ADAM18: variants seen among roughly 807,000 people sequenced by gnomAD.
ADAM18 encodes the protein disintegrin and metalloproteinase domain-containing protein 18.
ADAM18 carries 117 observed loss-of-function variants against 94.4 expected under a neutral mutation model. The ratio of observed to expected loss-of-function variants is 1.24; its 90% CI spans 1.07 to 1.45. The LOEUF is 1.45. Ranked by LOEUF, ADAM18 falls within the 40% of genes most tolerant of loss-of-function variation. The pLI is 0.00. For synonymous variants in ADAM18, 327 were observed against 291.6 expected, an observed-to-expected ratio of 1.12 and a Z score of -1.24; for missense variants, 936 against 880.0, an observed-to-expected ratio of 1.06 and a Z score of -0.81.
intron 16 of ADAM18, among the ~76,000 whole-genome samples, chr8:39,684,879 T>C (rs955167473): frequency 3.3e-5 from 5 of 152,168 alleles, no homozygotes; most frequent in Non-Finnish European, 7.4e-5. Flanking sequence ...ATCCGTAGAT[T>C]CTAGACATTG....
At chr8:39,589,903 T>G (rs1051511263) in intron 2 of ADAM18, among the ~76,000 whole-genome samples, 1 of 150,886 alleles carries the variant, frequency 6.6e-6, no homozygotes, top group Non-Finnish European at 1.5e-5. Context: ...TCACACCAGT[T>G]AGAATGGCAG....
chr8:39,604,974 G>T (rs1819025103), intron 2 of ADAM18, among the ~76,000 whole-genome samples: 1 of 152,076 alleles, frequency 6.6e-6, no homozygotes, highest in Non-Finnish European at 1.5e-5. Flanking sequence ...CAGACCTTTT[G>T]CTGCCTTTGT....
At chr8:39,654,114 C>T (rs1264910156) in intron 12 of ADAM18, among the ~76,000 whole-genome samples, 1 of 150,828 alleles carries the variant, frequency 6.6e-6, no homozygotes, top group Non-Finnish European at 1.5e-5. Context: ...TAATGTCCTC[C>T]AGTTACATCC....
At chr8:39,637,911 A>C (rs1247159484) in intron 9 of ADAM18, among the ~76,000 whole-genome samples, 1 of 151,988 alleles carries the variant, frequency 6.6e-6, no homozygotes, top group East Asian at 1.9e-4. Flanking sequence ...TTGGAGTGTA[A>C]GTATTATTTC....
intron 19 of ADAM18, among the ~76,000 whole-genome samples, chr8:39,727,320 C>T (rs1822944151): frequency 6.6e-6 from 1 of 152,170 alleles, no homozygotes; most frequent in South Asian, 2.1e-4. Context: ...CAAAGCTTTC[C>T]TTTCAAAGCT....
At chr8:39,651,365 G>C (rs1048139669) in intron 12 of ADAM18, among the ~76,000 whole-genome samples, 1 of 152,140 alleles carries the variant, frequency 6.6e-6, no homozygotes, top group Non-Finnish European at 1.5e-5. Flanking sequence ...GCTGGGGGAC[G>C]TTCAGGTCTT....
At chr8:39,591,470 A>T (rs1585874035) in intron 2 of ADAM18, among the ~76,000 whole-genome samples, 1 of 152,154 alleles carries the variant, frequency 6.6e-6, no homozygotes, top group Non-Finnish European at 1.5e-5. Flanking sequence ...CTAGGAGTAG[A>T]TTCCATCTCA....
chr8:39,648,285 G>A, intron 11 of ADAM18, 59 bp from the exon 12 acceptor site: 1 of 1,411,010 alleles, frequency 7.1e-7, no homozygotes, highest in Non-Finnish European at 9.5e-7. Flanking sequence ...ATGGAGTGTT[G>A]TTTAGATGTG....
intron 6 of ADAM18, chr8:39,611,085 A>G (rs1819259899): frequency 9.0e-6 from 9 of 1,000,936 alleles, no homozygotes; most frequent in Non-Finnish European, 9.5e-6. Flanking sequence ...AGCCATTTGC[A>G]TGTTGCCAGA....
At chr8:39,699,198 CT>C (rs1284750667) in intron 17 of ADAM18, among the ~76,000 whole-genome samples, 3 of 152,038 alleles carry the variant, frequency 2.0e-5, no homozygotes, top group Non-Finnish European at 2.9e-5. Flanking sequence ...CCTTAAAGAA[CT>C]AACAAGTCTC....
chr8:39,718,864 C>T (rs1223345659), intron 18 of ADAM18, among the ~76,000 whole-genome samples: 1 of 150,902 alleles, frequency 6.6e-6, no homozygotes, highest in Non-Finnish European at 1.5e-5. Flanking sequence ...AATGGAGAGG[C>T]ATGCAATTTT....
chr8:39,595,720 C>T (rs1240012443), intron 2 of ADAM18, among the ~76,000 whole-genome samples: 4 of 152,024 alleles, frequency 2.6e-5, no homozygotes, highest in Non-Finnish European at 5.9e-5. Flanking sequence ...GATGGGGTTT[C>T]ACCATGTTGG....
At chr8:39,663,399 G>A (rs1168468299) in intron 12 of ADAM18, among the ~76,000 whole-genome samples, 2 of 146,492 alleles carry the variant, frequency 1.4e-5, no homozygotes, top group Non-Finnish European at 3.0e-5. Flanking sequence ...GACCAGCCTG[G>A]GCAAGATAGT....
chr8:39,682,694 C>G (rs1821499893), intron 16 of ADAM18, among the ~76,000 whole-genome samples: 2 of 152,154 alleles, frequency 1.3e-5, no homozygotes, highest in South Asian at 2.1e-4. Context: ...GCCTTTATTA[C>G]CATTATATAT....
chr8:39,651,274 A>T (rs898109672), intron 12 of ADAM18, among the ~76,000 whole-genome samples: 2 of 152,170 alleles, frequency 1.3e-5, no homozygotes, highest in African/African-American at 4.8e-5. Flanking sequence ...CAGGAGACAG[A>T]TGCCTTTCTC....
intron 17 of ADAM18, among the ~76,000 whole-genome samples, chr8:39,700,591 T>C (rs1215437834): frequency 6.6e-6 from 1 of 152,132 alleles, no homozygotes; most frequent in Non-Finnish European, 1.5e-5. Context: ...CAACCTCTTT[T>C]TATTTAACTA....
intron 17 of ADAM18, among the ~76,000 whole-genome samples, chr8:39,694,021 C>T (rs1335886694): frequency 6.6e-6 from 1 of 151,118 alleles, no homozygotes; most frequent in Non-Finnish European, 1.5e-5. Flanking sequence ...TAATGATATA[C>T]TTTTCATTAG....
chr8:39,681,353 A>G (rs1821452283), intron 16 of ADAM18, among the ~76,000 whole-genome samples: 1 of 152,186 alleles, frequency 6.6e-6, no homozygotes. Context: ...GAGCTTTGCA[A>G]GTCGGACCAA....
intron 14 of ADAM18, among the ~76,000 whole-genome samples, chr8:39,675,055 A>G (rs1204736139): frequency 2.6e-5 from 4 of 151,932 alleles, no homozygotes; most frequent in African/African-American, 4.8e-5. Context: ...TGCCCTTAAC[A>G]TTTTCCCTTT....
Sources: allele counts gnomAD v4.1 joint callset (sites outside exome capture counted in the v4.1 genomes callset), GRCh38; gene constraint gnomAD v4.1.1; transcripts MANE v1.5; gene names NCBI Gene and HGNC (gene_info 2026-07-23, HGNC 2026-07-21).